Variants in SPHKAP observed in about 807,000 individuals in gnomAD.
SPHKAP encodes SPHK1 interactor, AKAP domain containing.
Under a neutral mutation model 137.5 loss-of-function variants are expected in SPHKAP, and 67 were observed. That is an observed-to-expected ratio of 0.49 (90% confidence interval 0.40 to 0.60). SPHKAP has a LOEUF of 0.60. Among genes scored for constraint, SPHKAP ranks in the 20% least tolerant of loss-of-function variants. The probability of loss-of-function intolerance (pLI) is 0.00; values close to 1 mark genes in which losing one functional copy is unlikely to be tolerated. For missense variants in SPHKAP, 2,097 were observed against 2,069.3 expected (o/e 1.01, Z -0.26); for synonymous variants, 813 against 785.3 (o/e 1.04, Z -0.59).
At chr2:228,069,429 T>C (rs1403430618) in intron 3 of SPHKAP, among the ~76,000 whole-genome samples, 1 of 143,600 alleles carries the variant, frequency 7.0e-6, no homozygotes, top group Non-Finnish European at 1.5e-5. Flanking sequence ...TTTTTTTTCC[T>C]CTTTTTTCTT....
chr2:228,038,778 G>A (rs139087341), intron 3 of SPHKAP, among the ~76,000 whole-genome samples: 5 of 152,280 alleles, frequency 3.3e-5, no homozygotes, highest in Middle Eastern at 6.8e-3. Context: ...ATAAATTCTC[G>A]TTGGTGAGTG....
At chr2:228,116,875 T>C (rs1458961243) in intron 2 of SPHKAP, among the ~76,000 whole-genome samples, 1 of 152,162 alleles carries the variant, frequency 6.6e-6, no homozygotes, top group Non-Finnish European at 1.5e-5. Flanking sequence ...TGCTCTGCTA[T>C]AATCCACAGG....
At chr2:228,125,510 C>T (rs931273122) in intron 2 of SPHKAP, among the ~76,000 whole-genome samples, 1 of 152,164 alleles carries the variant, frequency 6.6e-6, no homozygotes, top group East Asian at 1.9e-4. Flanking sequence ...GAATCTGAGT[C>T]AGACAGGTTA....
intron 1 of SPHKAP, among the ~76,000 whole-genome samples, chr2:228,142,379 G>A (rs778887934): frequency 5.3e-5 from 8 of 152,154 alleles, no homozygotes; most frequent in Admixed American, 1.3e-4. Flanking sequence ...GGCTAAGGCC[G>A]GAGAATGGCG....
intron 1 of SPHKAP, among the ~76,000 whole-genome samples, chr2:228,152,224 G>A (rs777742059): frequency 1.5e-4 from 23 of 152,088 alleles, no homozygotes; most frequent in African/African-American, 5.6e-4. Flanking sequence ...AGTTAAGCTG[G>A]TTGTGATATA....
rs773220820 is a variant in SPHKAP at position 228,017,149 on chromosome 2, T to C, written c.3705A>G (p.Arg1235=). The C allele has an allele frequency of 4.6e-5, 75 of 1,613,866 alleles. 1 individual carries two copies. Among genetic ancestry groups the C allele is most frequent in the Non-Finnish European group, 5.8e-5 (69 of 1,180,006 alleles). The change falls in exon 7 of 12, where the codon AGA becomes AGG. Residue 1235 remains arginine, a synonymous_variant. Coordinates refer to ENST00000392056, the MANE Select transcript of SPHKAP (RefSeq NM_001142644.2). The part of the protein sequence containing the change: ...SPSLRSPVCH[R]QSSMPDSRSP... ...ATCTGCTGTCTGGCATGGACGACTGTCTGTGGCACACTGGGGATCGCAGAG... is the reference window on the plus strand; with the variant it reads ...ATCTGCTGTCTGGCATGGACGACTGCCTGTGGCACACTGGGGATCGCAGAG...
intron 3 of SPHKAP, among the ~76,000 whole-genome samples, chr2:228,030,870 GA>G (rs1488260660): frequency 7.9e-5 from 12 of 152,082 alleles, no homozygotes; most frequent in Admixed American, 7.9e-4. Flanking sequence ...TTAACTTCCA[GA>G]TTTTTATTGA....
chr2:228,166,467 G>A (rs1163534264), intron 1 of SPHKAP, among the ~76,000 whole-genome samples: 1 of 151,988 alleles, frequency 6.6e-6, no homozygotes, highest in African/African-American at 2.4e-5. Flanking sequence ...CAAGTCACTA[G>A]GTTTTATCTC....
intron 9 of SPHKAP, among the ~76,000 whole-genome samples, chr2:227,992,613 G>C (rs2106163538): frequency 6.6e-6 from 1 of 152,012 alleles, no homozygotes; most frequent in East Asian, 1.9e-4. Flanking sequence ...TAAAACAAAA[G>C]AAAAGAAAAC....
Position 228,017,061 on chromosome 2 carries a change from G to C in SPHKAP, c.3793C>G (p.Gln1265Glu), listed in dbSNP as rs1048126501. The C allele has an allele frequency of 3.1e-6, 5 of 1,614,000 alleles. No homozygotes were observed. Among genetic ancestry groups the C allele is most frequent in the African/African-American group, 1.3e-5 (1 of 74,916 alleles). ...CTTAGGAAATCTTGTGGGCAGTTCT[G>C]AGCAAAGCCATCTAAAGAGTTGGCT... ...IKANSLDGFAQNCPQDFLSVQ... is the reference protein window; with the variant it reads ...IKANSLDGFAENCPQDFLSVQ... The change falls in exon 7 of 12, where the codon CAG becomes GAG. Residue 1265 changes from glutamine to glutamate, a missense_variant. Transcript: ENST00000392056.
At chr2:228,154,015 A>C (rs1178327402) in intron 1 of SPHKAP, among the ~76,000 whole-genome samples, 2 of 152,196 alleles carry the variant, frequency 1.3e-5, no homozygotes, top group African/African-American at 2.4e-5. Flanking sequence ...TAGGATGTCA[A>C]TCTTTGATGA....
rs112728871 is a variant in SPHKAP, at chr2:228,011,505, A to G, written c.4448+4901T>C. On this transcript the variant is annotated intron_variant, in intron 7 of 11. Transcript: ENST00000392056. ...TCCTTTTTTAACCTCTGAAATTTCT[A>G]TAATTACTATTGTTAAGATTAGCCT... 2.6e-3 allele frequency among the ~76,000 whole-genome samples: 398 copies of G among 152,324 alleles called. 3 individuals are homozygous for G. Among genetic ancestry groups the G allele is most frequent in the African/African-American group, 9.2e-3 (383 of 41,562 alleles).
chr2:228,069,989 T>A (rs945101828), intron 3 of SPHKAP, among the ~76,000 whole-genome samples: 4 of 152,146 alleles, frequency 2.6e-5, no homozygotes, highest in Non-Finnish European at 4.4e-5. Flanking sequence ...CAAGCTTAGG[T>A]CAGATGCCTA....
chr2:228,159,245 G>A (rs555723995), intron 1 of SPHKAP, among the ~76,000 whole-genome samples: 17 of 152,258 alleles, frequency 1.1e-4, no homozygotes, highest in Non-Finnish European at 2.5e-4. Context: ...TTGCAATGAA[G>A]GAGAACTCCA....
Position 228,017,652 on chromosome 2 carries a change from G to C in SPHKAP, c.3202C>G (p.Arg1068Gly), listed in dbSNP as rs374395516. ...MWQAQGYPRN[R>G]LLSGDRWSRL... is the part of the protein sequence containing the mutation. ...CTCCACCTGTCGCCACTCAGTAACC[G>C]ATTCCGGGGATAGCCCTGCGCCTGC... Residue 1068 changes from arginine to glycine, a missense_variant, in exon 7 of 12, where the codon CGG becomes GGG. Physicochemically the swap from Arg to Gly is moderately radical, Grantham distance 125 (BLOSUM62 -2). Coordinates refer to ENST00000392056, the MANE Select transcript of SPHKAP (RefSeq NM_001142644.2). 7.4e-6 allele frequency: 12 copies of C among 1,613,840 alleles called. No homozygotes were observed. The African/African-American group carries it at 1.1e-4, about 14-fold the overall frequency.
Position 228,120,933 on chromosome 2 carries a change from C to T in SPHKAP, c.138+11047G>A, listed in dbSNP as rs570108471. On this transcript the variant is annotated intron_variant, in intron 2 of 11. Coordinates refer to ENST00000392056, the MANE Select transcript of SPHKAP (RefSeq NM_001142644.2). Reference sequence around the variant, plus strand: ...TCAAGTTAGACACATAAATAGAGGACAGCTGATTAATTGTTATTTAGAGTC... The same window carrying T: ...TCAAGTTAGACACATAAATAGAGGATAGCTGATTAATTGTTATTTAGAGTC... 5.9e-5 allele frequency among the ~76,000 whole-genome samples: 9 copies of T among 152,234 alleles called. No homozygotes were observed. In the South Asian group the frequency reaches 1.0e-3, roughly 18 times the overall value.
At chr2:228,083,961 T>G (rs892326099) in intron 3 of SPHKAP, among the ~76,000 whole-genome samples, 1 of 151,784 alleles carries the variant, frequency 6.6e-6, no homozygotes, top group Non-Finnish European at 1.5e-5. Context: ...AGGGAGGGCA[T>G]TAGGACAAAT....
chr2:228,181,243 G>A lies in SPHKAP; in HGVS notation c.32+324C>T, dbSNP rs545524588. On this transcript the variant is annotated intron_variant, in intron 1 of 11. Coordinates refer to ENST00000392056, the MANE Select transcript of SPHKAP (RefSeq NM_001142644.2). This position sits in a 1 kb window ranked among gnomAD's most constrained non-coding sequence, Gnocchi z 4.3. ...TGTGAAACCTCTCCAAGCTGTGTCCGCGGAAAGTCCGGCTCCTGGCTCCAC... is the reference window on the plus strand; with the variant it reads ...TGTGAAACCTCTCCAAGCTGTGTCCACGGAAAGTCCGGCTCCTGGCTCCAC... 1.3e-5 allele frequency among the ~76,000 whole-genome samples: 2 copies of A among 152,252 alleles called. No homozygotes were observed. Among genetic ancestry groups the A allele is most frequent in the African/African-American group, 4.8e-5 (2 of 41,562 alleles).
intron 7 of SPHKAP, among the ~76,000 whole-genome samples, chr2:228,001,832 TC>T (rs1409021474): frequency 6.6e-6 from 1 of 152,106 alleles, no homozygotes; most frequent in Non-Finnish European, 1.5e-5. Context: ...TGGTTTTTTT[TC>T]CTTGCAATAG....
Sources: allele counts gnomAD v4.1 joint callset (sites outside exome capture counted in the v4.1 genomes callset), GRCh38; gene constraint gnomAD v4.1.1; non-coding constraint Gnocchi (gnomAD v3.1); transcripts MANE v1.5; gene names NCBI Gene and HGNC (gene_info 2026-07-23, HGNC 2026-07-21).